RHOT2: variants seen among roughly 807,000 people sequenced by gnomAD.
RHOT2 encodes mitochondrial Rho GTPase 2.
In RHOT2, 90 loss-of-function variants were observed where a neutral mutation model predicts 81.6. The ratio of observed to expected loss-of-function variants is 1.10; its 90% CI spans 0.93 to 1.31. The LOEUF (loss-of-function observed/expected upper bound fraction) is 1.31. RHOT2 is among the 40% of genes most tolerant of loss of function. RHOT2 has a pLI of 0.00. For synonymous variants in RHOT2, 512 were observed against 370.9 expected (o/e 1.38, Z -4.37); for missense variants, 1,014 against 841.9 (o/e 1.20, Z -2.53).
chr16:668,432 G>T (rs1388903241), intron 2 of RHOT2, 21 bp downstream of exon 2: 1 of 1,550,008 alleles, frequency 6.5e-7, no homozygotes, highest in Non-Finnish European at 8.7e-7. Context: ...CGCCCGCCGC[G>T]GGGGTGGGAG....
chr16:669,857 G>T, intron 5 of RHOT2: 1 of 616,880 alleles, frequency 1.6e-6, no homozygotes. Context: ...AACCCCCGGG[G>T]GGGGACCCGC....
At chr16:668,761 A>G in intron 4 of RHOT2, 62 bp downstream of exon 4, 1 of 1,504,010 alleles carries the variant, frequency 6.6e-7, no homozygotes, top group Non-Finnish European at 8.9e-7. Context: ...TCCGCTTCGC[A>G]GCCTGGGGGA....
chr16:669,113 C>T (rs546862082), intron 4 of RHOT2: 12 of 386,942 alleles, frequency 3.1e-5, no homozygotes, highest in East Asian at 2.1e-4. Flanking sequence ...AGGGCAGCCC[C>T]TGCTGTTGGC....
In RHOT2 at chr16:668,922, C is replaced by T. The variant is rs568176353; in HGVS notation, c.222+223C>T. ...GGATAACAGGACCCTTCCCCGCGGG[C>T]TCTCCCTCCCTCCTGCCGGGGTGGC... On this transcript the variant is annotated intron_variant, in intron 4 of 18. Transcript: ENST00000315082. The T allele has an allele frequency of 3.8e-4, 203 of 536,932 alleles. 6 individuals carry two copies. The highest frequency in any genetic ancestry group is 3.3e-3 in the Middle Eastern group (7 of 2,112). The allele number at this position is 536,932 out of a possible 1,614,324, so 33.3% of individuals were successfully genotyped here. A position where few individuals can be genotyped will look rare whatever the true frequency, so the allele number is the denominator to read the frequency against.
chr16:672,477 C>T lies in RHOT2; in HGVS notation c.1327-12C>T. 2 of 1,612,374 alleles carry T rather than the reference C, an allele frequency of 1.2e-6. No homozygotes were observed. The highest frequency in any genetic ancestry group is 1.7e-6 in the Non-Finnish European group (2 of 1,179,802). On this transcript the variant is annotated splice_polypyrimidine_tract_variant and intron_variant, in intron 15 of 18. Coordinates refer to ENST00000315082, the MANE Select transcript of RHOT2 (RefSeq NM_138769.3). ...CTGCAGCCAGCGAGTGTCAGGACTT[C>T]ACCTCCCTCAGCACCAGGACACGAG...
At position 673,501 on chromosome 16, in the gene RHOT2, G is replaced by A. The variant is rs889807036; in HGVS notation, c.1752G>A (p.Leu584=). Residue 584 remains leucine, a synonymous_variant, in exon 19 of 19, where the codon CTG becomes CTA. Coordinates refer to ENST00000315082, the MANE Select transcript of RHOT2 (RefSeq NM_138769.3). ...AAFPHLVHAE[L]HPSSFWLRGL... ...GCAGACATTTGGTCCACGCAGAGCT[G>A]CATCCCTCTTCCTTCTGGCTCCGGG... 1.2e-5 allele frequency: 20 copies of A among 1,612,568 alleles called. No homozygotes were observed. The African/African-American group carries it at 2.1e-4, about 17-fold the overall frequency.
Position 670,964 on chromosome 16 carries a change from G to A in RHOT2, c.712G>A (p.Ala238Thr). 6.4e-7 allele frequency: 1 copy of A among 1,567,834 alleles called. No individual in the cohort carries two copies. The highest frequency in any genetic ancestry group is 8.7e-7 in the Non-Finnish European group (1 of 1,155,998). The change falls in exon 10 of 19, where the codon GCG becomes ACG. Residue 238 changes from alanine (A) to threonine (T), a missense_variant. Transcript: ENST00000315082. ...GAAGACGGTGGTGTGCAGGAACGTGGCGGGCGGCGTGCGGGAGGACCGGCT... is the reference window on the plus strand; with the variant it reads ...GAAGACGGTGGTGTGCAGGAACGTGACGGGCGGCGTGCGGGAGGACCGGCT... ...DVKTVVCRNV[A>T]GGVREDRLTL...
Position 673,586 on chromosome 16 carries a change from G to A in RHOT2, c.1837G>A (p.Val613Ile), listed in dbSNP as rs1309066252. ...AGTCCTCAGCTTCTCACTCTACAGGGTCCTGGTGAAGAGCCAGTGAGGCCC... is the reference window on the plus strand; with the variant it reads ...AGTCCTCAGCTTCTCACTCTACAGGATCCTGGTGAAGAGCCAGTGAGGCCC... ...AAVLSFSLYR[V>I]LVKSQ Residue 613 changes from valine (V) to isoleucine (I), a missense_variant, in exon 19 of 19, where the codon GTC becomes ATC. Val to Ile is a conservative substitution (Grantham distance 29). Coordinates refer to ENST00000315082, the MANE Select transcript of RHOT2 (RefSeq NM_138769.3). 1.9e-6 allele frequency: 3 copies of A among 1,609,282 alleles called. No individual in the cohort carries two copies. The highest frequency in any genetic ancestry group is 2.5e-6 in the Non-Finnish European group (3 of 1,179,052).
chr16:670,621 G>A lies in RHOT2; in HGVS notation c.541-54G>A, dbSNP rs182638240. 4.2e-4 allele frequency: 676 copies of A among 1,602,188 alleles called. 1 individual carries two copies. The African/African-American group carries it at 4.9e-3, about 12-fold the overall frequency. On this transcript the variant is annotated intron_variant, in intron 8 of 18. Transcript: ENST00000315082. Reference sequence around the variant, plus strand: ...GGGCCCAGGGGGTGCTGGGTGGGGCGGTGTGGCAGGTCGGCGTGGGTCACC... The same window carrying A: ...GGGCCCAGGGGGTGCTGGGTGGGGCAGTGTGGCAGGTCGGCGTGGGTCACC...
Position 668,425 on chromosome 16 carries a change from C to T in RHOT2, c.96+14C>T. ...TTCCCCGAGGAGGTAAGGGGCACGC[C>T]CGCCGCGGGGGTGGGAGCGGGCCCA... is the stretch of plus-strand genomic sequence containing the variant. On this transcript the variant is annotated intron_variant, in intron 2 of 18. Transcript: ENST00000315082. 1 of 1,540,716 alleles carries T rather than the reference C, an allele frequency of 6.5e-7. No individual in the cohort carries two copies. The highest frequency in any genetic ancestry group is 8.7e-7 in the Non-Finnish European group (1 of 1,147,750).
Position 671,853 on chromosome 16 carries a change from T to C in RHOT2, c.955-7T>C, listed in dbSNP as rs1428645486. 6 of 1,396,380 alleles carry C rather than the reference T, an allele frequency of 4.3e-6. No individual in the cohort carries two copies. Among genetic ancestry groups the C allele is most frequent in the South Asian group, 2.3e-5 (2 of 86,840 alleles). 86.5% of individuals were successfully genotyped at this position (1,396,380 alleles called of 1,614,324 possible). A position where few individuals can be genotyped will look rare whatever the true frequency, so the allele number is the denominator to read the frequency against. ...GCACACACATCACCACATCCCTCCT[T>C]CTGCAGGACCGCGACGGCGCCCTCT... is the stretch of plus-strand genomic sequence containing the variant. On this transcript the variant is annotated splice_region_variant and splice_polypyrimidine_tract_variant and intron_variant, in intron 12 of 18. Coordinates refer to ENST00000315082, the MANE Select transcript of RHOT2 (RefSeq NM_138769.3).
Position 673,516 on chromosome 16 carries a change from C to A in RHOT2, c.1767C>A (p.Phe589Leu), listed in dbSNP as rs775916011. The change falls in exon 19 of 19, where the codon TTC becomes TTA. Residue 589 changes from phenylalanine (F) to leucine (L), a missense_variant. By Grantham distance (22) the Phe-to-Leu change is conservative. Transcript: ENST00000315082. ...LVHAELHPSS[F>L]WLRGLLGVVG... ...ACGCAGAGCTGCATCCCTCTTCCTT[C>A]TGGCTCCGGGGGCTGCTGGGGGTTG... 6.2e-7 allele frequency: 1 copy of A among 1,612,716 alleles called. No individual in the cohort carries two copies. Among genetic ancestry groups the A allele is most frequent in the Non-Finnish European group, 8.5e-7 (1 of 1,179,932 alleles).
At chr16:671,810 G>GGCCCCCCCCCCCCC in intron 12 of RHOT2, 29 bp downstream of exon 12, 1 of 1,586,234 alleles carries the variant, frequency 6.3e-7, no homozygotes, top group Admixed American at 1.7e-5. Context: ...CCCTGCCCCT[G>GGCCCCCCCCCCCCC]CCCCCGCCCC....
chr16:670,851 G>T (rs1371240686), intron 9 of RHOT2, 41 bp from the exon 10 acceptor site: 3 of 1,590,022 alleles, frequency 1.9e-6, no homozygotes, highest in East Asian at 2.3e-5. Context: ...GGTCGTCTCC[G>T]GGTGGCTGGC....
intron 1 of RHOT2, 33 bp from the exon 2 acceptor site, chr16:668,320 T>TAAAAAAG: frequency 7.3e-7 from 1 of 1,368,360 alleles, no homozygotes; most frequent in Non-Finnish European, 9.4e-7. Flanking sequence ...GCCGTGACCT[T>TAAAAAAG]GGCCCTCGCG....
chr16:671,051 C>G (rs1239030763), intron 10 of RHOT2, 32 bp from the exon 11 acceptor site: 4 of 1,608,298 alleles, frequency 2.5e-6, no homozygotes, highest in Non-Finnish European at 3.4e-6. Flanking sequence ...GGGGGCTGTG[C>G]CTGGTGCTCC....
At chr16:668,099 C>A, upstream of RHOT2, 2 of 414,926 alleles carry the variant, frequency 4.8e-6, no homozygotes, top group East Asian at 3.6e-5. Context: ...AGCGCGGGGC[C>A]GAGAACCGGA....
chr16:671,810 G>GCCCCTCCCCCCCCCCCC, intron 12 of RHOT2, 29 bp downstream of exon 12: 26 of 1,586,190 alleles, frequency 1.6e-5, no homozygotes, highest in South Asian at 1.6e-4. Context: ...CCCTGCCCCT[G>GCCCCTCCCCCCCCCCCC]CCCCCGCCCC....
At position 670,723 on chromosome 16, in the gene RHOT2, G is replaced by C; in HGVS notation, c.589G>C (p.Asp197His). 3 of 1,612,484 alleles carry C rather than the reference G, an allele frequency of 1.9e-6. No homozygotes were observed. Among genetic ancestry groups the C allele is most frequent in the Non-Finnish European group, 2.5e-6 (3 of 1,179,946 alleles). Reference protein sequence around the residue: ...QALTRIFRLSDQDLDQALSDE... With the variant: ...QALTRIFRLSHQDLDQALSDE... Reference sequence around the variant, plus strand: ...GCTGACGCGCATCTTCAGGCTCTCAGATCAGGACCTGGACCAGGCGCTCAG... The same window carrying C: ...GCTGACGCGCATCTTCAGGCTCTCACATCAGGACCTGGACCAGGCGCTCAG... Residue 197 changes from aspartate (D) to histidine (H), a missense_variant, in exon 9 of 19, where the codon GAT becomes CAT. Asp to His is a moderately conservative substitution (Grantham distance 81). Transcript: ENST00000315082.
Sources: gnomAD v4.1 joint callset for allele counts on GRCh38, gnomAD v4.1.1 for gene constraint, MANE v1.5 for transcripts, NCBI Gene and HGNC (gene_info 2026-07-23, HGNC 2026-07-21) for gene names.